RELCH: variants seen among roughly 807,000 people sequenced by gnomAD.
The protein encoded by RELCH is RAB11-binding protein RELCH.
A neutral mutation model predicts 150.3 loss-of-function variants in RELCH; 41 were observed. That is an observed-to-expected ratio of 0.27 (90% CI 0.21 to 0.35). The LOEUF is 0.35. Ranked by LOEUF, RELCH falls within the 10% of genes least tolerant of loss-of-function variation. The probability of loss-of-function intolerance (pLI) is 1.00; values close to 1 mark genes in which losing one functional copy is unlikely to be tolerated. For synonymous variants in RELCH, 478 were observed against 531.8 expected, an observed-to-expected ratio of 0.90 and a Z score of 1.39; for missense variants, 1,092 against 1,467.8, an observed-to-expected ratio of 0.74 and a Z score of 4.18.
Position 62,271,625 on chromosome 18 carries a change from T to C in RELCH, c.2761-2355T>C, listed in dbSNP as rs538164878. On this transcript the variant is annotated intron_variant, in intron 20 of 28. Coordinates refer to ENST00000644646, the MANE Select transcript of RELCH (RefSeq NM_001346231.2). Reference sequence around the variant, plus strand: ...CATTTGTCTATTTTGGCTTTTGTTGTCACTGCTTTTGGTGTTTTAGTCATG... The same window carrying C: ...CATTTGTCTATTTTGGCTTTTGTTGCCACTGCTTTTGGTGTTTTAGTCATG... Among the ~76,000 whole-genome samples the C allele has an allele frequency of 1.0e-3, 152 of 152,268 alleles. 1 individual carries two copies. The highest frequency in any genetic ancestry group is 3.6e-3 in the African/African-American group (148 of 41,570).
rs568039446 is a variant in RELCH at position 62,188,144 on chromosome 18, G to T, written c.526+113G>T. 2.1e-4 allele frequency: 257 copies of T among 1,241,368 alleles called. No homozygotes were observed. The African/African-American group carries it at 3.4e-3, about 17-fold the overall frequency. The allele number at this position is 1,241,368 out of a possible 1,614,324, so 76.9% of individuals were successfully genotyped here. A position where few individuals can be genotyped will look rare whatever the true frequency, so the allele number is the denominator to read the frequency against. ...TCCCGATAGGGACATTTTAAGGAACGAGAGTATTGGGGTGGGGGCGCTCTT... is the reference window on the plus strand; with the variant it reads ...TCCCGATAGGGACATTTTAAGGAACTAGAGTATTGGGGTGGGGGCGCTCTT... On this transcript the variant is annotated intron_variant, in intron 1 of 28. Coordinates refer to ENST00000644646, the MANE Select transcript of RELCH (RefSeq NM_001346231.2).
In RELCH at chr18:62,198,608, T is replaced by C. The variant is rs141072054; in HGVS notation, c.526+10577T>C. On this transcript the variant is annotated intron_variant, in intron 1 of 28. Transcript: ENST00000644646. Reference sequence around the variant, plus strand: ...TTGTGAGCTCCCTTAGTTTAGGCTTTAGCTCACATTTGTACCATCAGTTTT... The same window carrying C: ...TTGTGAGCTCCCTTAGTTTAGGCTTCAGCTCACATTTGTACCATCAGTTTT... Among the ~76,000 whole-genome samples, 351 of 152,316 alleles carry C rather than the reference T, an allele frequency of 2.3e-3. 4 individuals are homozygous for C. The highest frequency in any genetic ancestry group is 8.1e-3 in the African/African-American group (336 of 41,564).
At chr18:62,207,627 T>A (rs1295921472) in intron 1 of RELCH, among the ~76,000 whole-genome samples, 1 of 152,236 alleles carries the variant, frequency 6.6e-6, no homozygotes, top group Non-Finnish European at 1.5e-5. Flanking sequence ...TTCCAATTTC[T>A]TCACATTGTC....
intron 27 of RELCH, among the ~76,000 whole-genome samples, chr18:62,296,063 A>G (rs995426003): frequency 2.0e-5 from 3 of 152,198 alleles, no homozygotes; most frequent in African/African-American, 7.2e-5. Flanking sequence ...TCTTAACTAC[A>G]GTCAGAGAAC....
rs2044407408 is a variant in RELCH, at chr18:62,279,782, G to A, written c.2976G>A (p.Val992=). ...CTGTGCTGACCAATCAGCTGTTGGT[G>A]AAGGGGGTGAATGAAACTCTGGTAG... ...CTAARMFELL[V]KGVNETLVAQ... The change falls in exon 23 of 29, where the codon GTG becomes GTA. Residue 992 remains valine (V), a synonymous_variant. Transcript: ENST00000644646. 2 of 1,534,916 alleles carry A rather than the reference G, an allele frequency of 1.3e-6. No homozygotes were observed. The highest frequency in any genetic ancestry group is 1.7e-6 in the Non-Finnish European group (2 of 1,145,948).
At chr18:62,223,040 A>C (rs1201318751) in intron 5 of RELCH, among the ~76,000 whole-genome samples, 1 of 152,000 alleles carries the variant, frequency 6.6e-6, no homozygotes, top group African/African-American at 2.4e-5. Flanking sequence ...AAAAAATTCA[A>C]ATCAGTGAAA....
At chr18:62,292,077 A>G (rs2045172568) in intron 27 of RELCH, among the ~76,000 whole-genome samples, 2 of 151,840 alleles carry the variant, frequency 1.3e-5, no homozygotes, top group Admixed American at 6.6e-5. Flanking sequence ...CTATTTTTCC[A>G]TCAGCTTTTC....
At chr18:62,295,923 A>G (rs889487361) in intron 27 of RELCH, among the ~76,000 whole-genome samples, 2 of 152,168 alleles carry the variant, frequency 1.3e-5, no homozygotes, top group Non-Finnish European at 2.9e-5. Flanking sequence ...TGCATTTGCT[A>G]TATTTTATCT....
At chr18:62,282,566 A>C in intron 25 of RELCH, 122 bp downstream of exon 25, 1 of 912,046 alleles carries the variant, frequency 1.1e-6, no homozygotes, top group Non-Finnish European at 1.8e-6. Flanking sequence ...AGCCTTGTGT[A>C]CTGAAAGCCT....
intron 21 of RELCH, 40 bp from the exon 22 acceptor site, chr18:62,275,334 G>A: frequency 3.8e-6 from 4 of 1,060,584 alleles, no homozygotes; most frequent in Non-Finnish European, 5.5e-6. Context: ...AAGGGACTGT[G>A]GCTCTCAATT....
chr18:62,220,782 T>A, intron 2 of RELCH: 1 of 477,384 alleles, frequency 2.1e-6, no homozygotes, highest in South Asian at 2.5e-5. Flanking sequence ...TAAATAGAGC[T>A]ATTCCTTGTC....
chr18:62,252,156 C>T (rs577751412), intron 11 of RELCH, among the ~76,000 whole-genome samples: 112 of 149,536 alleles, frequency 7.5e-4, no homozygotes, highest in Middle Eastern at 3.5e-3. Flanking sequence ...CCACCACGCC[C>T]GGCTAATTTT....
At chr18:62,273,904 A>G in intron 20 of RELCH, 76 bp from the exon 21 acceptor site, 2 of 888,684 alleles carry the variant, frequency 2.3e-6, no homozygotes, top group Non-Finnish European at 3.6e-6. Flanking sequence ...ACATTTTCTA[A>G]TTATAGATAG....
In RELCH at chr18:62,264,802, T is replaced by G. The variant is rs750255898; in HGVS notation, c.2581T>G (p.Phe861Val). The G allele has an allele frequency of 6.2e-7, 1 of 1,609,862 alleles. No individual in the cohort carries two copies. Among genetic ancestry groups the G allele is most frequent in the South Asian group, 1.1e-5 (1 of 90,370 alleles). Residue 861 changes from phenylalanine (F) to valine (V), a missense_variant, in exon 18 of 29, where the codon TTT (phenylalanine) becomes GTT (valine). This residue lies in a region of RELCH where 707 missense variants were observed against 1,025.4 expected (regional missense o/e 0.69). Transcript: ENST00000644646. ...TGCCTGTGTCCATGAATTCTCCAGA[T>G]TTTTCTGGCGCCTTTGCCGGACATT... ...STACVHEFSRFFWRLCRTFGK... is the reference protein window; with the variant it reads ...STACVHEFSRVFWRLCRTFGK...
intron 22 of RELCH, chr18:62,277,633 A>G (rs971106757): frequency 1.0e-6 from 1 of 954,718 alleles, no homozygotes. Context: ...AATGAGGCAT[A>G]CATATACCAG....
chr18:62,254,514 T>C (rs2042895207), intron 12 of RELCH, among the ~76,000 whole-genome samples: 1 of 152,146 alleles, frequency 6.6e-6, no homozygotes, highest in African/African-American at 2.4e-5. Context: ...ATTCAAACAT[T>C]CTACTTTTGA....
At chr18:62,230,372 T>G (rs17062591) in intron 8 of RELCH, among the ~76,000 whole-genome samples, 13,155 of 152,028 alleles carry the variant, frequency 0.087, 652 homozygotes, top group Middle Eastern at 0.17. Flanking sequence ...TCTGAGGGAA[T>G]ATGAGAGGAG....
chr18:62,203,884 C>T (rs541198072), intron 1 of RELCH, among the ~76,000 whole-genome samples: 97 of 152,068 alleles, frequency 6.4e-4, no homozygotes, highest in African/African-American at 2.1e-3. Context: ...AAGGCTGAGG[C>T]GGGAAGATCA....
chr18:62,271,135 T>A (rs764082951), intron 20 of RELCH, among the ~76,000 whole-genome samples: 4 of 152,218 alleles, frequency 2.6e-5, no homozygotes, highest in Non-Finnish European at 5.9e-5. Context: ...TCAAATGGTA[T>A]TTCTAGTTCT....
Sources: allele counts gnomAD v4.1 joint callset (sites outside exome capture counted in the v4.1 genomes callset), GRCh38; gene constraint gnomAD v4.1.1; regional missense constraint gnomAD v4.1.1; transcripts MANE v1.5; gene names NCBI Gene and HGNC (gene_info 2026-07-23, HGNC 2026-07-21).